The following CC2D2A variants were observed in gnomAD, a reference collection of about 807,000 sequenced individuals.
The protein encoded by CC2D2A is coiled-coil and C2 domain-containing protein 2A.
In CC2D2A, 155 loss-of-function variants were observed where a neutral mutation model predicts 212.9. That is an observed-to-expected ratio of 0.73 (90% CI 0.64 to 0.83). The LOEUF is 0.83. CC2D2A is among the 40% of genes least tolerant of loss of function. The pLI, the probability that CC2D2A is intolerant of heterozygous loss-of-function variation, is 0.00. For synonymous variants in CC2D2A, 667 were observed against 686.5 expected (o/e 0.97, Z 0.44); for missense variants, 1,856 against 1,956.2 (o/e 0.95, Z 0.97).
intron 4 of CC2D2A, among the ~76,000 whole-genome samples, chr4:15,485,265 T>G (rs1388244186): frequency 1.3e-5 from 2 of 152,234 alleles, no homozygotes; most frequent in Non-Finnish European, 2.9e-5. Flanking sequence ...TTCACTAACA[T>G]AATGTCCTCC....
chr4:15,582,949 T>G (rs1182012974), intron 30 of CC2D2A, among the ~76,000 whole-genome samples: 4 of 151,998 alleles, frequency 2.6e-5, no homozygotes, highest in Non-Finnish European at 2.9e-5. Flanking sequence ...AACAAAATAT[T>G]GCCAAACAAA....
At position 15,475,298 on chromosome 4, in the gene CC2D2A, G is replaced by A. The variant is rs563778388; in HGVS notation, c.-18-617G>A. ...CAAAAGAAAAAGTGTAGGGGGCAGG[G>A]GCCTTTTTTTAAAGGAAGGAAAAAA... On this transcript the variant is annotated intron_variant, in intron 1 of 36. Transcript: ENST00000424120. Among the ~76,000 whole-genome samples, 9 of 152,218 alleles carry A rather than the reference G, an allele frequency of 5.9e-5. No individual in the cohort carries two copies. In the South Asian group the frequency reaches 1.9e-3, roughly 32 times the overall value.
At chr4:15,498,988 G>A (rs1409623882) in intron 4 of CC2D2A, among the ~76,000 whole-genome samples, 2 of 152,192 alleles carry the variant, frequency 1.3e-5, no homozygotes, top group Non-Finnish European at 2.9e-5. Context: ...GAGATGACAT[G>A]CCATCAGCTA....
chr4:15,472,147 A>C (rs9990934), intron 1 of CC2D2A, among the ~76,000 whole-genome samples: 12 of 152,026 alleles, frequency 7.9e-5, no homozygotes, highest in African/African-American at 2.7e-4. Context: ...GGGAGGACTC[A>C]GGAATCACAG....
At position 15,559,173 on chromosome 4, in the gene CC2D2A, G is replaced by T. The variant is rs1389577447; in HGVS notation, c.2838G>T (p.Glu946Asp). Residue 946 changes from glutamate to aspartate, a missense_variant, in exon 22 of 37, where the codon GAG (glutamate) becomes GAT (aspartate). Around this residue, in one of 5 missense-constraint regions of CC2D2A, gnomAD observed 1,512 missense variants for 1,579.3 expected, o/e 0.96. Coordinates refer to ENST00000424120, the MANE Select transcript of CC2D2A (RefSeq NM_001378615.1). ...EIMEKVFQDY[E>D]KRLRDRNVIE... ...CCTCTTTTTAATTTTAGGACTATGAGAAACGGTTACGAGACAGAAATGTAA... is the reference window on the plus strand; with the variant it reads ...CCTCTTTTTAATTTTAGGACTATGATAAACGGTTACGAGACAGAAATGTAA... 2 of 1,545,126 alleles carry T rather than the reference G, an allele frequency of 1.3e-6. No homozygotes were observed. Among genetic ancestry groups the T allele is most frequent in the Admixed American group, 2.0e-5 (1 of 49,764 alleles).
rs116198081 is a variant in CC2D2A, at chr4:15,514,751, A to C, written c.762A>C (p.Leu254=). The C allele has an allele frequency of 1.1e-5, 18 of 1,609,844 alleles. No homozygotes were observed. In the East Asian group the frequency reaches 4.0e-4, roughly 36 times the overall value. ...ATGGTGATGATGCCGAGGACTTCCT[A>C]TTGGGCTTAGATCACGTGGCTGACG... ...LLNGDDAEDF[L]LGLDHVADDF... The change falls in exon 9 of 37, where the codon CTA becomes CTC. Residue 254 remains leucine, a synonymous_variant. Transcript: ENST00000424120.
chr4:15,492,980 CTTAA>C (rs764290387), intron 4 of CC2D2A: 13 of 452,484 alleles, frequency 2.9e-5, no homozygotes, highest in Non-Finnish European at 4.7e-5. Flanking sequence ...TTTGTTAATG[CTTAA>C]TTATTTAGGA....
chr4:15,526,751 T>C (rs759114049), intron 11 of CC2D2A, among the ~76,000 whole-genome samples: 4 of 152,168 alleles, frequency 2.6e-5, no homozygotes, highest in Non-Finnish European at 5.9e-5. Flanking sequence ...CCACCCACAG[T>C]AGCTGTAGTA....
chr4:15,511,107 C>T lies in CC2D2A; in HGVS notation c.541-140C>T, dbSNP rs550242816. 10 of 920,516 alleles carry T rather than the reference C, an allele frequency of 1.1e-5. No individual in the cohort carries two copies. The East Asian group carries it at 3.3e-4, about 30-fold the overall frequency. The allele number at this position is 920,516 out of a possible 1,614,324, so 57.0% of individuals were successfully genotyped here. A position where few individuals can be genotyped will look rare whatever the true frequency, so the allele number is the denominator to read the frequency against. ...TTAAAGTTTATTACCAGTAGTCTCA[C>T]ACCTTTAACTAAGACAATATGCTTC... On this transcript the variant is annotated intron_variant, in intron 7 of 36. Transcript: ENST00000424120.
At chr4:15,507,049 G>T (rs1275995927) in intron 6 of CC2D2A, among the ~76,000 whole-genome samples, 4 of 150,582 alleles carry the variant, frequency 2.7e-5, no homozygotes, top group Non-Finnish European at 5.9e-5. Flanking sequence ...CTGCACTCCA[G>T]TCTGGGTGAC....
At chr4:15,513,580 C>T (rs1716692546) in intron 8 of CC2D2A, among the ~76,000 whole-genome samples, 1 of 152,202 alleles carries the variant, frequency 6.6e-6, no homozygotes, top group Admixed American at 6.5e-5. Flanking sequence ...CTGCTCTGCC[C>T]AGACACTTTT....
intron 4 of CC2D2A, chr4:15,481,149 G>C (rs1299465211): frequency 2.2e-6 from 1 of 464,276 alleles, no homozygotes; most frequent in Admixed American, 2.3e-5. Context: ...TGAATTGGTT[G>C]GTGTTGTCCT....
At position 15,569,307 on chromosome 4, in the gene CC2D2A, AT is replaced by A; in HGVS notation, c.3415del (p.Tyr1139IlefsTer9). The A allele has an allele frequency of 6.3e-7, 1 of 1,577,028 alleles. No homozygotes were observed. ...LELPFRAPNG[D>X]YSTASLQSVK... Reference sequence around the variant, plus strand: ...CTGTCTTGCAGGGCTCCTAATGGAGATTATAGCACAGCCAGTCTGCAGTCAG... The same window carrying A: ...CTGTCTTGCAGGGCTCCTAATGGAGATATAGCACAGCCAGTCTGCAGTCAG... On this transcript the variant is annotated frameshift_variant, in exon 27 of 37. Transcript: ENST00000424120. LOFTEE classifies it high-confidence loss of function.
rs964604349 is a variant in CC2D2A, at chr4:15,527,340, G to A, written c.1150-107G>A. On this transcript the variant is annotated intron_variant, in intron 11 of 36. Transcript: ENST00000424120. ...AAGCATTTTTCACCTGACTAGTCCA[G>A]GATAGGAGGTATTTTGCATCTGACC... is the stretch of plus-strand genomic sequence containing the variant. 1.6e-4 allele frequency: 123 copies of A among 765,834 alleles called. 2 individuals carry two copies. In the Middle Eastern group the frequency reaches 1.7e-3, roughly 11 times the overall value. The allele number at this position is 765,834 out of a possible 1,614,324, so 47.4% of individuals were successfully genotyped here.
rs137878385 is a variant in CC2D2A at position 15,502,513 on chromosome 4, C to T, written c.332C>T (p.Ala111Val). 90 of 1,598,418 alleles carry T rather than the reference C, an allele frequency of 5.6e-5. No individual in the cohort carries two copies. The East Asian group carries it at 1.7e-3, about 30-fold the overall frequency. The part of the protein sequence containing the change: ...RGRMREKLQA[A>V]RSKAESALLQ... ...CGCATGAGGGAGAAATTGCAAGCAG[C>T]GAGGGTGAGAGAAACCACATGAATA... is the stretch of plus-strand genomic sequence containing the variant. The change falls in exon 5 of 37, where the codon GCG (alanine) becomes GTG (valine). Residue 111 changes from alanine (A) to valine (V), a missense_variant. Coordinates refer to ENST00000424120, the MANE Select transcript of CC2D2A (RefSeq NM_001378615.1).
At chr4:15,563,550 G>T in intron 24 of CC2D2A, 28 bp downstream of exon 24, 2 of 1,603,202 alleles carry the variant, frequency 1.2e-6, no homozygotes, top group East Asian at 4.5e-5. Context: ...AGCCCGAGAT[G>T]CAGTGTGCAG....
chr4:15,589,802 C>T (rs200330234), intron 33 of CC2D2A, 123 bp downstream of exon 33: 147 of 208,322 alleles, frequency 7.1e-4, no homozygotes, highest in South Asian at 2.7e-3. Context: ...TATATATACA[C>T]ACATATATAT....
At chr4:15,485,176 T>A (rs750601719) in intron 4 of CC2D2A, among the ~76,000 whole-genome samples, 24 of 152,254 alleles carry the variant, frequency 1.6e-4, no homozygotes, top group Non-Finnish European at 2.5e-4. Context: ...TTCTACTCAC[T>A]ATCTCTATCA....
chr4:15,527,542 C>T lies in CC2D2A; in HGVS notation c.1245C>T (p.Phe415=). 2 of 1,613,410 alleles carry T rather than the reference C, an allele frequency of 1.2e-6. No individual in the cohort carries two copies. Among genetic ancestry groups the T allele is most frequent in the Non-Finnish European group, 1.7e-6 (2 of 1,179,546 alleles). The change falls in exon 12 of 37, where the codon TTC becomes TTT. Residue 415 remains phenylalanine (F), a synonymous_variant. Coordinates refer to ENST00000424120, the MANE Select transcript of CC2D2A (RefSeq NM_001378615.1). The part of the protein sequence containing the change: ...QLDIDISGLI[F]THHPCFSREH... The stretch of plus-strand genomic sequence containing the variant: ...ACATTGATATTTCAGGGTTAATCTT[C>T]ACTCATCATCCCTGTTTTAGCCGAG...
Sources: gnomAD v4.1 joint callset for allele counts (sites outside exome capture counted in the v4.1 genomes callset) on GRCh38, gnomAD v4.1.1 for gene constraint, gnomAD v4.1.1 regional missense constraint, MANE v1.5 for transcripts, NCBI Gene and HGNC (gene_info 2026-07-23, HGNC 2026-07-21) for gene names.